The following OMA1 variants were observed in gnomAD, a reference collection of about 807,000 sequenced individuals.
The protein encoded by OMA1 is metalloendopeptidase OMA1, mitochondrial.
In OMA1, 38 loss-of-function variants were observed where a neutral mutation model predicts 30.9. The ratio of observed to expected loss-of-function variants is 1.23; its 90% CI spans 0.95 to 1.61. OMA1 has a LOEUF of 1.61. Ranked by LOEUF, OMA1 falls within the 40% of genes most tolerant of loss-of-function variation. The pLI is 0.00. For missense variants in OMA1, 461 were observed against 349.2 expected (o/e 1.32, Z -2.55); for synonymous variants, 173 against 121.9 (o/e 1.42, Z -2.76).
intron 6 of OMA1, among the ~76,000 whole-genome samples, chr1:58,529,416 C>T (rs1646399150): frequency 6.6e-6 from 1 of 152,162 alleles, no homozygotes; most frequent in Admixed American, 6.5e-5. Context: ...GATTGCAAGA[C>T]CTACTTTCAG....
intron 8 of OMA1, among the ~76,000 whole-genome samples, chr1:58,500,326 G>GT (rs1389794448): frequency 6.6e-6 from 1 of 152,104 alleles, no homozygotes; most frequent in African/African-American, 2.4e-5. Flanking sequence ...ATGAAATTCT[G>GT]TAAGGTGAAC....
At chr1:58,490,025 A>C (rs1402063055) in intron 8 of OMA1, among the ~76,000 whole-genome samples, 1 of 152,246 alleles carries the variant, frequency 6.6e-6, no homozygotes, top group Non-Finnish European at 1.5e-5. Flanking sequence ...AATTCTAAAA[A>C]TCAGAGTGCC....
At chr1:58,527,203 A>T in intron 7 of OMA1, 58 bp downstream of exon 7, 1 of 837,556 alleles carries the variant, frequency 1.2e-6, no homozygotes, top group Non-Finnish European at 2.1e-6. Flanking sequence ...AAAATAACAC[A>T]CGTTTATCTT....
rs184440800 is a variant in OMA1, at chr1:58,520,712, A to G, written c.1215+6549T>C. 2.3e-3 allele frequency among the ~76,000 whole-genome samples: 351 copies of G among 152,288 alleles called. 1 individual carries two copies. The highest frequency in any genetic ancestry group is 6.8e-3 in the Middle Eastern group (2 of 294). On this transcript the variant is annotated intron_variant, in intron 7 of 8. Coordinates refer to ENST00000371226, the MANE Select transcript of OMA1 (RefSeq NM_145243.5). ...TGGACATTAGGCAAGAAGTATTACT[A>G]GAGACAGTGATTTTATTGCAAGAAA...
At chr1:58,512,994 T>C (rs1482194931) in intron 7 of OMA1, among the ~76,000 whole-genome samples, 1 of 152,164 alleles carries the variant, frequency 6.6e-6, no homozygotes, top group Non-Finnish European at 1.5e-5. Flanking sequence ...TTCTTTTGCT[T>C]CAAGAAAAGT....
chr1:58,517,222 A>G (rs1646170954), intron 7 of OMA1, among the ~76,000 whole-genome samples: 1 of 152,216 alleles, frequency 6.6e-6, no homozygotes, highest in South Asian at 2.1e-4. Flanking sequence ...ACTGAACCCA[A>G]AGTCCTGACC....
intron 8 of OMA1, among the ~76,000 whole-genome samples, chr1:58,488,159 T>C (rs1645609577): frequency 6.6e-6 from 1 of 152,188 alleles, no homozygotes; most frequent in Admixed American, 6.5e-5. Flanking sequence ...ACTACATCAT[T>C]ATAAAGTTCA....
chr1:58,491,284 C>T (rs2100377690), intron 8 of OMA1, among the ~76,000 whole-genome samples: 1 of 152,282 alleles, frequency 6.6e-6, no homozygotes, highest in Non-Finnish European at 1.5e-5. Flanking sequence ...TGGAAAGGAA[C>T]AACCGGTACC....
intron 8 of OMA1, among the ~76,000 whole-genome samples, chr1:58,484,965 T>A (rs1645549019): frequency 6.6e-6 from 1 of 152,062 alleles, no homozygotes; most frequent in Non-Finnish European, 1.5e-5. Flanking sequence ...TGCATGATGC[T>A]ATAATGGTGG....
intron 7 of OMA1, among the ~76,000 whole-genome samples, chr1:58,516,430 T>C (rs1646158863): frequency 6.6e-6 from 1 of 152,240 alleles, no homozygotes; most frequent in East Asian, 1.9e-4. Flanking sequence ...GGACCTCTTT[T>C]GTCAGCTGAA....
At chr1:58,500,339 T>G (rs1645886316) in intron 8 of OMA1, among the ~76,000 whole-genome samples, 1 of 152,176 alleles carries the variant, frequency 6.6e-6, no homozygotes, top group East Asian at 1.9e-4. Flanking sequence ...AGGTGAACAG[T>G]GTATGTTTGT....
intron 2 of OMA1, among the ~76,000 whole-genome samples, chr1:58,537,090 A>C: frequency 6.7e-6 from 1 of 149,542 alleles, no homozygotes; most frequent in Non-Finnish European, 1.5e-5. Flanking sequence ...CTCTCTGTAT[A>C]TATATATATA....
chr1:58,487,760 G>A (rs543615663), intron 8 of OMA1, among the ~76,000 whole-genome samples: 10 of 151,998 alleles, frequency 6.6e-5, no homozygotes, highest in Non-Finnish European at 1.5e-4. Context: ...TCTACTCCTA[G>A]CTGCATCCAC....
At chr1:58,483,531 GGTCTT>G (rs1451957546) in intron 8 of OMA1, among the ~76,000 whole-genome samples, 3 of 152,106 alleles carry the variant, frequency 2.0e-5, no homozygotes, top group South Asian at 4.1e-4. Context: ...CAGTGGCAGT[GGTCTT>G]GTCTTATTTT....
At position 58,536,737 on chromosome 1, in the gene OMA1, T is replaced by A; in HGVS notation, c.505A>T (p.Ile169Leu). The A allele has an allele frequency of 1.1e-6, 1 of 872,064 alleles. No homozygotes were observed. 54.0% of individuals were successfully genotyped at this position (872,064 alleles called of 1,614,324 possible). ...KLFAIIVGRGIRKWWQALPPN... is the reference protein window; with the variant it reads ...KLFAIIVGRGLRKWWQALPPN... The stretch of plus-strand genomic sequence containing the variant: ...GGAAGTGCCTGCCACCATTTCCTTA[T>A]GCCCCTAAAGCAAAAAGAAAAATTC... The change falls in exon 3 of 9, where the codon ATA becomes TTA. Residue 169 changes from isoleucine (I) to leucine (L), a missense_variant. By Grantham distance (5) the Ile-to-Leu change is conservative. Transcript: ENST00000371226.
At chr1:58,495,185 T>C (rs180148) in intron 8 of OMA1, among the ~76,000 whole-genome samples, 143,060 of 152,164 alleles carry the variant, frequency 0.94, 67,430 homozygotes, top group African/African-American at 0.99. Context: ...AACTAAACAC[T>C]GCAGGTTCTC....
intron 1 of OMA1, chr1:58,542,615 T>A (rs2406786): frequency 0.98 from 148,904 of 152,332 alleles, 72,871 homozygotes; most frequent in East Asian, 1. Context: ...GGGAAAGTGT[T>A]TTAAGGTTTA....
chr1:58,516,703 C>T (rs193092847), intron 7 of OMA1, among the ~76,000 whole-genome samples: 3 of 152,232 alleles, frequency 2.0e-5, no homozygotes, highest in East Asian at 3.9e-4. Context: ...GAATTTTGCA[C>T]GTTGAAACCT....
intron 7 of OMA1, among the ~76,000 whole-genome samples, chr1:58,526,978 C>A (rs1646362118): frequency 6.6e-6 from 1 of 152,100 alleles, no homozygotes; most frequent in Non-Finnish European, 1.5e-5. Flanking sequence ...TATTTCCAAT[C>A]AAGAACTGAC....
Sources: allele counts gnomAD v4.1 joint callset (sites outside exome capture counted in the v4.1 genomes callset), GRCh38; gene constraint gnomAD v4.1.1; transcripts MANE v1.5; gene names NCBI Gene and HGNC (gene_info 2026-07-23, HGNC 2026-07-21).